Variants in OXR1 observed in about 807,000 individuals in gnomAD.
OXR1 encodes oxidation resistance 1.
In OXR1, 41 loss-of-function variants were observed where a neutral mutation model predicts 104.6. The ratio of observed to expected loss-of-function variants is 0.39; its 90% CI spans 0.31 to 0.51. The LOEUF is 0.51. OXR1 is among the 20% of genes least tolerant of loss of function. OXR1 has a pLI of 0.77. For synonymous variants in OXR1, 348 were observed against 348.4 expected, an observed-to-expected ratio of 1.00 and a Z score of 0.01; for missense variants, 955 against 1,031.9, an observed-to-expected ratio of 0.93 and a Z score of 1.02.
chr8:106,283,396 A>C (rs1317043681), intron 1 of OXR1, among the ~76,000 whole-genome samples: 2 of 152,070 alleles, frequency 1.3e-5, no homozygotes, highest in African/African-American at 4.8e-5. Flanking sequence ...GTTCAACCTC[A>C]TGTGTCTGTG....
chr8:106,369,404 AG>A (rs1164396683), intron 2 of OXR1, among the ~76,000 whole-genome samples: 6 of 152,340 alleles, frequency 3.9e-5, no homozygotes, highest in Admixed American at 2.6e-4. Flanking sequence ...TATTTTAATT[AG>A]AACCCATTTG....
intron 3 of OXR1, among the ~76,000 whole-genome samples, chr8:106,544,393 A>T (rs184580148): frequency 3.9e-5 from 6 of 152,256 alleles, no homozygotes; most frequent in Admixed American, 6.5e-5. Flanking sequence ...AAGGTGAAGC[A>T]TGCAGAAACC....
intron 2 of OXR1, among the ~76,000 whole-genome samples, chr8:106,503,773 C>A (rs141498993): frequency 5.1e-4 from 78 of 152,190 alleles, no homozygotes; most frequent in Non-Finnish European, 8.8e-5. Context: ...AGAGAACTGG[C>A]CTGAAAGAGT....
At chr8:106,298,641 A>G in intron 1 of OXR1, among the ~76,000 whole-genome samples, 1 of 152,186 alleles carries the variant, frequency 6.6e-6, no homozygotes, top group East Asian at 1.9e-4. Flanking sequence ...GCAAAGGTGG[A>G]TACTCAGAGC....
At chr8:106,695,244 C>CT in intron 7 of OXR1, among the ~76,000 whole-genome samples, 1 of 151,336 alleles carries the variant, frequency 6.6e-6, no homozygotes, top group South Asian at 2.1e-4. Flanking sequence ...CTTGTCATTC[C>CT]TTTTTTATAG....
Position 106,684,374 on chromosome 8 carries a change from T to A in OXR1, c.525+15T>A. ...ATAAGACCACTGTAAGTATCTCTGCTTTGCAAAGATGGCGATGAAGAAATC... is the reference window on the plus strand; with the variant it reads ...ATAAGACCACTGTAAGTATCTCTGCATTGCAAAGATGGCGATGAAGAAATC... On this transcript the variant is annotated intron_variant, in intron 6 of 16. Coordinates refer to ENST00000517566, the MANE Select transcript of OXR1 (RefSeq NM_001198533.2). 1 of 1,231,370 alleles carries A rather than the reference T, an allele frequency of 8.1e-7. No individual in the cohort carries two copies. Among genetic ancestry groups the A allele is most frequent in the Non-Finnish European group, 1.2e-6 (1 of 833,164 alleles). The allele number at this position is 1,231,370 out of a possible 1,614,324, so 76.3% of individuals were successfully genotyped here. A position where few individuals can be genotyped will look rare whatever the true frequency, so the allele number is the denominator to read the frequency against.
Position 106,483,685 on chromosome 8 carries a change from T to C in OXR1, c.24-35258T>C, listed in dbSNP as rs542907260. Among the ~76,000 whole-genome samples, 229 of 152,224 alleles carry C rather than the reference T, an allele frequency of 1.5e-3. 1 individual carries two copies. Among genetic ancestry groups the C allele is most frequent in the African/African-American group, 5.4e-3 (226 of 41,554 alleles). On this transcript the variant is annotated intron_variant, in intron 2 of 16. Coordinates refer to ENST00000517566, the MANE Select transcript of OXR1 (RefSeq NM_001198533.2). ...ACTTGGCATTGTGATCTTAATGTATTAGTCTTATGGTAATTTGATTATATG... is the reference window on the plus strand; with the variant it reads ...ACTTGGCATTGTGATCTTAATGTATCAGTCTTATGGTAATTTGATTATATG...
At chr8:106,683,370 A>G (rs1428427806) in intron 5 of OXR1, 64 bp downstream of exon 5, 1 of 777,580 alleles carries the variant, frequency 1.3e-6, no homozygotes, top group Non-Finnish European at 2.3e-6. Flanking sequence ...GAAAGTATTT[A>G]TTGTACTGTA....
At chr8:106,365,252 AAGTT>A (rs1816420072) in intron 2 of OXR1, among the ~76,000 whole-genome samples, 1 of 152,140 alleles carries the variant, frequency 6.6e-6, no homozygotes, top group South Asian at 2.1e-4. Context: ...TCTCAGTGGT[AAGTT>A]CATGTTGAAT....
chr8:106,367,545 C>T (rs1047573616), intron 2 of OXR1, among the ~76,000 whole-genome samples: 2 of 151,862 alleles, frequency 1.3e-5, no homozygotes, highest in Non-Finnish European at 2.9e-5. Flanking sequence ...TATATTCATT[C>T]ATTTCTTTAT....
intron 11 of OXR1, 94 bp from the exon 12 acceptor site, chr8:106,737,426 T>G: frequency 4.5e-6 from 2 of 440,864 alleles, no homozygotes; most frequent in Non-Finnish European, 7.7e-6. Context: ...TCTCTTCCCA[T>G]TTTAATTTCT....
chr8:106,271,005 C>G (rs1811778909), intron 1 of OXR1, among the ~76,000 whole-genome samples: 1 of 151,968 alleles, frequency 6.6e-6, no homozygotes, highest in African/African-American at 2.4e-5. Context: ...GTACCCGAGG[C>G]CACATGTTGG....
At chr8:106,293,068 T>C (rs1812822072) in intron 1 of OXR1, among the ~76,000 whole-genome samples, 1 of 152,102 alleles carries the variant, frequency 6.6e-6, no homozygotes, top group South Asian at 2.1e-4. Context: ...ATTTCAAAGG[T>C]AATGTGCAAA....
At chr8:106,293,797 G>A (rs1812859331) in intron 1 of OXR1, among the ~76,000 whole-genome samples, 1 of 152,030 alleles carries the variant, frequency 6.6e-6, no homozygotes, top group Admixed American at 6.5e-5. Context: ...CCCTTTCATA[G>A]AGGCACTAAT....
intron 3 of OXR1, among the ~76,000 whole-genome samples, chr8:106,551,059 C>G (rs1815762623): frequency 6.6e-6 from 1 of 152,282 alleles, no homozygotes; most frequent in East Asian, 1.9e-4. Flanking sequence ...CCAAATAAAT[C>G]TTTCCTTCCT....
chr8:106,704,390 CTTCTTTTTTTTTTT>C (rs1463117039), intron 8 of OXR1, among the ~76,000 whole-genome samples: 1 of 75,840 alleles, frequency 1.3e-5, no homozygotes, highest in Non-Finnish European at 2.5e-5. Flanking sequence ...TTTCTTTCTT[CTTCTTTTTTTTTTT>C]TTTTTTTTTT....
At chr8:106,515,373 A>G (rs1182385722) in intron 2 of OXR1, among the ~76,000 whole-genome samples, 1 of 152,156 alleles carries the variant, frequency 6.6e-6, no homozygotes, top group South Asian at 2.1e-4. Flanking sequence ...GGTATTTACC[A>G]TAGTCACCCA....
At chr8:106,359,181 GAGAAAAT>G (rs1223073037) in intron 1 of OXR1, among the ~76,000 whole-genome samples, 1 of 151,452 alleles carries the variant, frequency 6.6e-6, no homozygotes, top group Admixed American at 6.6e-5. Flanking sequence ...ATAACCATAT[GAGAAAAT>G]ATTTGGTTCC....
At chr8:106,424,571 GA>G (rs1266287350) in intron 2 of OXR1, among the ~76,000 whole-genome samples, 1 of 152,038 alleles carries the variant, frequency 6.6e-6, no homozygotes, top group African/African-American at 2.4e-5. Flanking sequence ...ACTTTTAGAA[GA>G]GCACTACAAT....
Sources: allele counts gnomAD v4.1 joint callset (sites outside exome capture counted in the v4.1 genomes callset), GRCh38; gene constraint gnomAD v4.1.1; transcripts MANE v1.5; gene names NCBI Gene and HGNC (gene_info 2026-07-23, HGNC 2026-07-21).